The following ERAP1 variants were observed in gnomAD, a reference collection of about 807,000 sequenced individuals.
ERAP1 encodes the protein adipocyte-derived leucine aminopeptidase.
A neutral mutation model predicts 103.7 loss-of-function variants in ERAP1; 86 were observed. That is an observed-to-expected ratio of 0.83 (90% CI 0.70 to 0.99). The LOEUF is 0.99. Among genes scored for constraint, ERAP1 ranks in the 50% least tolerant of loss-of-function variants. The probability of loss-of-function intolerance (pLI) is 0.00; values close to 1 mark genes in which losing one functional copy is unlikely to be tolerated. For missense variants in ERAP1, 1,009 were observed against 1,128.4 expected (o/e 0.89, Z 1.52); for synonymous variants, 398 against 402.4 (o/e 0.99, Z 0.13).
rs767817408 is a variant in ERAP1, at chr5:96,763,266, C to G, written c.2819-38G>C. 3 of 780,470 alleles carry G rather than the reference C, an allele frequency of 3.8e-6. No individual in the cohort carries two copies. The South Asian group carries it at 4.0e-5, about 10-fold the overall frequency. 48.3% of individuals were successfully genotyped at this position (780,470 alleles called of 1,614,324 possible). A position where few individuals can be genotyped will look rare whatever the true frequency, so the allele number is the denominator to read the frequency against. On this transcript the variant is annotated intron_variant, in intron 19 of 19. Coordinates refer to the ERAP1 transcript ENST00000296754. The stretch of plus-strand genomic sequence containing the variant: ...AGAGGCACAAATGACAAAGCCCAGA[C>G]CTGGCCCCGGGCAGCTCTACCATTA...
chr5:96,901,391 G>T, the ERAP1 span: 5 of 1,148,278 alleles, frequency 4.4e-6, no homozygotes, highest in African/African-American at 1.5e-5. Context: ...ATACCAGTCC[G>T]AGTCTTCTGT....
the ERAP1 span, chr5:96,896,937 A>T: frequency 6.9e-7 from 1 of 1,440,988 alleles, no homozygotes; most frequent in Non-Finnish European, 9.2e-7. Flanking sequence ...AATGTTTATA[A>T]ATAGCTATAT....
At chr5:96,893,488 C>A in the ERAP1 span, among the ~76,000 whole-genome samples, 22 of 152,306 alleles carry the variant, frequency 1.4e-4, no homozygotes, top group Admixed American at 3.3e-4. Context: ...CCCACTGGCG[C>A]ATTTTAGGTG....
chr5:96,858,208 G>GTTC, the ERAP1 span, among the ~76,000 whole-genome samples: 4 of 148,104 alleles, frequency 2.7e-5, no homozygotes, highest in Non-Finnish European at 6.0e-5. Context: ...TCTCCTCCTT[G>GTTC]TTCTTCTTCT....
the ERAP1 span, among the ~76,000 whole-genome samples, chr5:96,905,454 A>G: frequency 1.3e-5 from 2 of 152,222 alleles, no homozygotes; most frequent in African/African-American, 4.8e-5. Flanking sequence ...TACTTATATT[A>G]CATTTATAAC....
the ERAP1 span, among the ~76,000 whole-genome samples, chr5:96,892,745 G>T: frequency 6.6e-6 from 1 of 152,178 alleles, no homozygotes; most frequent in African/African-American, 2.4e-5. Context: ...ACAGACACAT[G>T]AAGCACAGAA....
the ERAP1 span, among the ~76,000 whole-genome samples, chr5:96,843,926 C>A: frequency 1.3e-5 from 2 of 152,302 alleles, no homozygotes; most frequent in South Asian, 4.1e-4. Flanking sequence ...TATGAGCCCT[C>A]GCTTCAAGAT....
chr5:96,904,943 C>T, the ERAP1 span, among the ~76,000 whole-genome samples: 4 of 152,096 alleles, frequency 2.6e-5, no homozygotes, highest in Admixed American at 1.3e-4. Context: ...TCAGGTATTA[C>T]CTCTTCACTT....
At chr5:96,858,006 C>T in the ERAP1 span, among the ~76,000 whole-genome samples, 5 of 152,082 alleles carry the variant, frequency 3.3e-5, no homozygotes, top group Admixed American at 6.5e-5. Flanking sequence ...CCAAATGGGT[C>T]ATATAGCAAG....
intron 19 of ERAP1, chr5:96,768,412 C>T: frequency 2.2e-6 from 1 of 456,822 alleles, no homozygotes; most frequent in South Asian, 1.6e-5. Context: ...TAGAATGAAT[C>T]AAACGATGAT....
At chr5:96,901,569 G>C in the ERAP1 span, 5 of 1,614,100 alleles carry the variant, frequency 3.1e-6, no homozygotes, top group Non-Finnish European at 4.2e-6. Flanking sequence ...TCTCCAGAAA[G>C]GAATCCCCCT....
At chr5:96,885,644 A>C in the ERAP1 span, among the ~76,000 whole-genome samples, 2 of 152,250 alleles carry the variant, frequency 1.3e-5, no homozygotes, top group Non-Finnish European at 2.9e-5. Flanking sequence ...AAACATGCTT[A>C]ATAAGCTGCA....
chr5:96,785,958 G>A lies in ERAP1; in HGVS notation c.1773C>T (p.Leu591=). 6.2e-7 allele frequency: 1 copy of A among 1,614,052 alleles called. No homozygotes were observed. The highest frequency in any genetic ancestry group is 8.5e-7 in the Non-Finnish European group (1 of 1,179,996). The change falls in exon 13 of 19, where the codon CTC becomes CTT. Residue 591 remains leucine, a synonymous_variant. Coordinates refer to ENST00000443439, the MANE Select transcript of ERAP1 (RefSeq NM_001040458.3). ...LLKTKTDVLI[L]PEEVEWIKFN... is the part of the protein sequence containing the mutation. ...ATTTGATCCATTCCACCTCTTCTGGGAGGATGAGCACATCTAGAGTAAATA... is the reference window on the plus strand; with the variant it reads ...ATTTGATCCATTCCACCTCTTCTGGAAGGATGAGCACATCTAGAGTAAATA...
the ERAP1 span, chr5:96,915,714 G>T: frequency 6.3e-7 from 1 of 1,593,394 alleles, no homozygotes; most frequent in Non-Finnish European, 8.5e-7. Flanking sequence ...TATGACATAA[G>T]GATGATCATC....
Position 96,785,846 on chromosome 5 carries a change from T to C in ERAP1, c.1885A>G (p.Thr629Ala). ...SLTGLLKGTH[T>A]AVSSNDRASL... ...GCCCGATCATTACTGCTGACTGCTG[T>C]GTGTGTTCCTTTTAAAAGGCCAGTC... Residue 629 changes from threonine (T) to alanine (A), a missense_variant, in exon 13 of 19, where the codon ACA becomes GCA. By Grantham distance (58) the Thr-to-Ala change is moderately conservative. Coordinates refer to ENST00000443439, the MANE Select transcript of ERAP1 (RefSeq NM_001040458.3). 6.2e-7 allele frequency: 1 copy of C among 1,614,194 alleles called. No individual in the cohort carries two copies. The highest frequency in any genetic ancestry group is 1.3e-5 in the African/African-American group (1 of 75,046).
chr5:96,927,518 G>C, the ERAP1 span, among the ~76,000 whole-genome samples: 1 of 151,640 alleles, frequency 6.6e-6, no homozygotes. Flanking sequence ...ACGGAGTCTC[G>C]CTCAGTCGCC....
intron 14 of ERAP1, 68 bp downstream of exon 14, chr5:96,783,853 ACAT>A: frequency 1.3e-5 from 5 of 398,908 alleles, no homozygotes; most frequent in Non-Finnish European, 1.6e-5. Context: ...ACACACACAC[ACAT>A]ACACACACAA....
chr5:96,857,161 G>T, the ERAP1 span, among the ~76,000 whole-genome samples: 4 of 152,144 alleles, frequency 2.6e-5, no homozygotes, highest in Non-Finnish European at 5.9e-5. Flanking sequence ...CAGGCTAACT[G>T]CTTCTCATCT....
At chr5:96,866,452 A>G in the ERAP1 span, among the ~76,000 whole-genome samples, 12,974 of 152,282 alleles carry the variant, frequency 0.085, 714 homozygotes, top group Non-Finnish European at 0.12. Context: ...TTTGTAACAT[A>G]TAGTAGTAAT....
Sources: allele counts gnomAD v4.1 joint callset (sites outside exome capture counted in the v4.1 genomes callset), GRCh38; gene constraint gnomAD v4.1.1; transcripts MANE v1.5; gene names NCBI Gene and HGNC (gene_info 2026-07-23, HGNC 2026-07-21).